LY75: variants seen among roughly 807,000 people sequenced by gnomAD.
LY75 encodes lymphocyte antigen 75, also known as C-type lectin domain family 13 member B.
A neutral mutation model predicts 231.7 loss-of-function variants in LY75; 185 were observed. That is an observed-to-expected ratio of 0.80 (90% CI 0.71 to 0.90). The LOEUF (loss-of-function observed/expected upper bound fraction) is 0.90. Among genes scored for constraint, LY75 ranks in the 40% least tolerant of loss-of-function variants. LY75 has a pLI of 0.00. For synonymous variants in LY75, 668 were observed against 689.0 expected, an observed-to-expected ratio of 0.97 and a Z score of 0.48; for missense variants, 1,947 against 2,050.2, an observed-to-expected ratio of 0.95 and a Z score of 0.97.
chr2:159,850,668 A>G (rs1357638012), intron 21 of LY75, among the ~76,000 whole-genome samples: 1 of 149,542 alleles, frequency 6.7e-6, no homozygotes, highest in East Asian at 1.9e-4. Context: ...TCTCTGTTGC[A>G]CAGGCCGGAG....
intron 11 of LY75, among the ~76,000 whole-genome samples, chr2:159,876,069 C>G (rs954034182): frequency 6.6e-6 from 1 of 152,096 alleles, no homozygotes; most frequent in Non-Finnish European, 1.5e-5. Flanking sequence ...AACCTCAAAA[C>G]ACAACTCTCC....
chr2:159,862,370 A>C (rs1684734348), intron 14 of LY75, among the ~76,000 whole-genome samples: 1 of 151,888 alleles, frequency 6.6e-6, no homozygotes, highest in Admixed American at 6.6e-5. Flanking sequence ...AGGTGGGAAG[A>C]TCGCTTGAGC....
At chr2:159,853,154 T>G in intron 20 of LY75, 119 bp downstream of exon 20, 1 of 1,053,438 alleles carries the variant, frequency 9.5e-7, no homozygotes. Flanking sequence ...TAATAATAAA[T>G]CAGAATAAGA....
chr2:159,840,191 T>C (rs1467475416), intron 25 of LY75, among the ~76,000 whole-genome samples: 1 of 151,954 alleles, frequency 6.6e-6, no homozygotes, highest in Non-Finnish European at 1.5e-5. Flanking sequence ...TGCTCAAATA[T>C]ATATATATCT....
Position 159,840,752 on chromosome 2 carries a change from A to G in LY75, c.3484T>C (p.Trp1162Arg). ...VQALLHNSSL[W>R]IGLFSQDDEL... is the part of the protein sequence containing the mutation. ...ACATCTTGACTGAAGAGTCCGATCC[A>G]TAAGGAAGAGTTGTGAAGGAGCGCC... The change falls in exon 25 of 35, where the codon TGG becomes CGG. Residue 1162 changes from tryptophan (W) to arginine (R), a missense_variant. Coordinates refer to ENST00000263636, the MANE Select transcript of LY75 (RefSeq NM_002349.4). 1.2e-6 allele frequency: 2 copies of G among 1,614,048 alleles called. No individual in the cohort carries two copies. The highest frequency in any genetic ancestry group is 1.7e-6 in the Non-Finnish European group (2 of 1,179,958).
At chr2:159,861,667 G>C (rs1198014717) in intron 14 of LY75, among the ~76,000 whole-genome samples, 1 of 152,142 alleles carries the variant, frequency 6.6e-6, no homozygotes, top group East Asian at 1.9e-4. Context: ...GAACCCAGGA[G>C]GTTGAGGCTG....
Position 159,804,758 on chromosome 2 carries a change from AC to A in LY75, c.*285del, listed in dbSNP as rs1468510819. The A allele has an allele frequency of 5.6e-6, 1 of 178,898 alleles. No individual in the cohort carries two copies. Among genetic ancestry groups the A allele is most frequent in the Non-Finnish European group, 1.2e-5 (1 of 85,384 alleles). 11.1% of individuals were successfully genotyped at this position (178,898 alleles called of 1,614,324 possible). ...CTATTAAAATATACATATCCTAGTT[AC>A]CAATCACATTCATACAGAGAAAATG... On this transcript the variant is annotated 3_prime_UTR_variant, in exon 35 of 35. Coordinates refer to ENST00000263636, the MANE Select transcript of LY75 (RefSeq NM_002349.4).
At chr2:159,850,234 T>C in intron 22 of LY75, 94 bp from the exon 23 acceptor site, 1 of 1,505,368 alleles carries the variant, frequency 6.6e-7, no homozygotes, top group South Asian at 1.3e-5. Flanking sequence ...TCTATCAACA[T>C]AGTCTTTTAT....
intron 4 of LY75, among the ~76,000 whole-genome samples, chr2:159,888,082 G>A (rs1032413847): frequency 1.3e-5 from 2 of 152,120 alleles, no homozygotes; most frequent in Non-Finnish European, 1.5e-5. Flanking sequence ...GAATATTCAA[G>A]TGCCAAACAA....
At chr2:159,814,933 A>G (rs1313635080) in intron 31 of LY75, among the ~76,000 whole-genome samples, 2 of 151,856 alleles carry the variant, frequency 1.3e-5, no homozygotes, top group Non-Finnish European at 2.9e-5. Context: ...GAGTGCTTAT[A>G]CTGTATTTGT....
At position 159,899,021 on chromosome 2, in the gene LY75, T is replaced by C. The variant is rs763176920; in HGVS notation, c.133A>G (p.Lys45Glu). 1 of 1,613,958 alleles carries C rather than the reference T, an allele frequency of 6.2e-7. No individual in the cohort carries two copies. The highest frequency in any genetic ancestry group is 1.1e-5 in the South Asian group (1 of 91,078). ...CAGCCATACACTGGCTTGATGCACT[T>C]GCCCGTATTTCCATGGACGATGGTG... ...PFTIVHGNTG[K>E]CIKPVYGWIV... Residue 45 changes from lysine (K) to glutamate (E), a missense_variant, in exon 2 of 35, where the codon AAG becomes GAG. Transcript: ENST00000263636.
chr2:159,877,028 A>AG (rs1553810528), intron 11 of LY75, among the ~76,000 whole-genome samples: 57 of 117,138 alleles, frequency 4.9e-4, no homozygotes, highest in African/African-American at 1.5e-3. Context: ...AAAAAAAAAA[A>AG]AAAAAAGAAA....
intron 23 of LY75, among the ~76,000 whole-genome samples, chr2:159,844,770 A>T (rs1424759403): frequency 3.4e-5 from 5 of 146,350 alleles, no homozygotes; most frequent in South Asian, 2.2e-4. Context: ...AGTAAGAAAA[A>T]TTTTTTAAAG....
At position 159,898,974 on chromosome 2, in the gene LY75, A is replaced by C; in HGVS notation, c.180T>G (p.Asp60Glu). The change falls in exon 2 of 35, where the codon GAT becomes GAG. Residue 60 changes from aspartate (D) to glutamate (E), a missense_variant. By Grantham distance (45) the Asp-to-Glu change is conservative (BLOSUM62 2). Coordinates refer to ENST00000263636, the MANE Select transcript of LY75 (RefSeq NM_002349.4). The stretch of plus-strand genomic sequence containing the variant: ...ACTTCCATAACTTGTCCTCAGTTTC[A>C]TCACAGTCGTCTGCTACTATCCAGC... ...VYGWIVADDC[D>E]ETEDKLWKWV... The C allele has an allele frequency of 6.2e-7, 1 of 1,614,224 alleles. No individual in the cohort carries two copies. Among genetic ancestry groups the C allele is most frequent in the Non-Finnish European group, 8.5e-7 (1 of 1,180,034 alleles).
chr2:159,841,522 A>T (rs1402371300), intron 24 of LY75, among the ~76,000 whole-genome samples: 1 of 152,184 alleles, frequency 6.6e-6, no homozygotes, highest in Non-Finnish European at 1.5e-5. Flanking sequence ...ATCATTTGTT[A>T]AAAACACATT....
intron 12 of LY75, among the ~76,000 whole-genome samples, 165 bp from the exon 13 acceptor site, chr2:159,872,758 G>A (rs1374366149): frequency 6.6e-6 from 1 of 152,172 alleles, no homozygotes; most frequent in East Asian, 1.9e-4. Flanking sequence ...AGGTCCTGCT[G>A]AAAGTGTCAA....
At chr2:159,876,502 G>A (rs567544813) in intron 11 of LY75, among the ~76,000 whole-genome samples, 12 of 152,286 alleles carry the variant, frequency 7.9e-5, no homozygotes, top group Admixed American at 7.2e-4. Flanking sequence ...CTGAATGGGT[G>A]TGCTATTTTT....
rs1684285636 is a variant in LY75, at chr2:159,848,444, A to C, written c.3150+1536T>G. On this transcript the variant is annotated intron_variant, in intron 23 of 34. Coordinates refer to ENST00000263636, the MANE Select transcript of LY75 (RefSeq NM_002349.4). ...AGGGGGTGAGGGATAAAATACTACA[A>C]ATTGAGTGCAGTGTATACTGCTCAG... 3.3e-5 allele frequency among the ~76,000 whole-genome samples: 5 copies of C among 152,014 alleles called. No individual in the cohort carries two copies. In the South Asian group the frequency reaches 1.0e-3, roughly 32 times the overall value.
intron 12 of LY75, among the ~76,000 whole-genome samples, chr2:159,874,218 A>AT (rs1685123125): frequency 1.5e-5 from 2 of 131,828 alleles, no homozygotes; most frequent in East Asian, 2.2e-4. Flanking sequence ...TAGTAAATAT[A>AT]TATAAATATA....
Sources: gnomAD v4.1 joint callset for allele counts (sites outside exome capture counted in the v4.1 genomes callset) on GRCh38, gnomAD v4.1.1 for gene constraint, MANE v1.5 for transcripts, NCBI Gene and HGNC (gene_info 2026-07-23, HGNC 2026-07-21) for gene names.